The following TBC1D22B variants were observed in gnomAD, a reference collection of about 807,000 sequenced individuals.
TBC1D22B encodes chromosome 6 open reading frame 197.
In TBC1D22B, 32 loss-of-function variants were observed where a neutral mutation model predicts 69.1. The ratio of observed to expected loss-of-function variants is 0.46; its 90% CI spans 0.35 to 0.62. TBC1D22B has a LOEUF of 0.62. Ranked by LOEUF, TBC1D22B falls within the 20% of genes least tolerant of loss-of-function variation. TBC1D22B has a pLI of 0.00. For synonymous variants in TBC1D22B, 206 were observed against 229.8 expected, an observed-to-expected ratio of 0.90 and a Z score of 0.94; for missense variants, 462 against 630.9, an observed-to-expected ratio of 0.73 and a Z score of 2.87.
In TBC1D22B at chr6:37,279,314, G is replaced by T; in HGVS notation, c.124G>T (p.Glu42Ter). 1 of 1,596,072 alleles carries T rather than the reference G, an allele frequency of 6.3e-7. No homozygotes were observed. The highest frequency in any genetic ancestry group is 1.1e-5 in the South Asian group (1 of 88,416). Residue 42 changes from glutamate (E) to a stop codon, truncating the protein, a stop_gained, in exon 3 of 13, where the codon GAA (glutamate) becomes TAA (stop). Coordinates refer to ENST00000373491, the MANE Select transcript of TBC1D22B (RefSeq NM_017772.4). LOFTEE classifies it high-confidence loss of function. ...DPRLTKNFIK[E>*]RSKVNTVPLK... ...TCTCCTTTCTTGAAGTTTCATTAAAGAACGATCAAAAGTCAACACAGTTCC... is the reference window on the plus strand; with the variant it reads ...TCTCCTTTCTTGAAGTTTCATTAAATAACGATCAAAAGTCAACACAGTTCC...
At chr6:37,304,752 A>G (rs1450197006) in intron 8 of TBC1D22B, among the ~76,000 whole-genome samples, 4 of 152,200 alleles carry the variant, frequency 2.6e-5, no homozygotes, top group African/African-American at 4.8e-5. Context: ...AACTGTGCAC[A>G]TATGTGCAGT....
At chr6:37,265,228 A>G (rs1766234073) in intron 1 of TBC1D22B, among the ~76,000 whole-genome samples, 1 of 152,242 alleles carries the variant, frequency 6.6e-6, no homozygotes, top group African/African-American at 2.4e-5. Flanking sequence ...GCTTTAAAAA[A>G]TAGTCTACTG....
chr6:37,306,888 G>A (rs1767735677), intron 8 of TBC1D22B, among the ~76,000 whole-genome samples: 1 of 152,080 alleles, frequency 6.6e-6, no homozygotes, highest in South Asian at 2.1e-4. Context: ...GAAAAACATG[G>A]GCCTTGTGAA....
intron 8 of TBC1D22B, among the ~76,000 whole-genome samples, chr6:37,306,202 A>G (rs958778420): frequency 2.6e-5 from 4 of 152,352 alleles, no homozygotes; most frequent in South Asian, 2.1e-4. Flanking sequence ...TTCTGAGACT[A>G]TAAGACCTAG....
At chr6:37,330,339 A>T (rs1292328418) in intron 12 of TBC1D22B, among the ~76,000 whole-genome samples, 1 of 144,606 alleles carries the variant, frequency 6.9e-6, no homozygotes, top group East Asian at 2.0e-4. Flanking sequence ...CCCAGGTTCA[A>T]ATGATTTTCC....
chr6:37,285,220 C>T (rs942383392), intron 6 of TBC1D22B, among the ~76,000 whole-genome samples: 1 of 151,462 alleles, frequency 6.6e-6, no homozygotes, highest in African/African-American at 2.4e-5. Context: ...TGGGAAATCC[C>T]TGAGTTGAAA....
Position 37,331,116 on chromosome 6 carries a change from G to T in TBC1D22B, c.1462G>T (p.Glu488Ter), listed in dbSNP as rs1396964945. The change falls in exon 13 of 13, where the codon GAG becomes TAG. Residue 488 changes from glutamate to a stop codon, truncating the protein, a stop_gained. Coordinates refer to ENST00000373491, the MANE Select transcript of TBC1D22B (RefSeq NM_017772.4). LOFTEE classifies it high-confidence loss of function. Reference sequence around the variant, plus strand: ...CGAAGAAATTGGGCTGCTTCTCGCCGAGGCATACAGACTCAAGTACATGTT... The same window carrying T: ...CGAAGAAATTGGGCTGCTTCTCGCCTAGGCATACAGACTCAAGTACATGTT... ...GNEEIGLLLAEAYRLKYMFAD... is the reference protein window; with the variant it reads ...GNEEIGLLLA The T allele has an allele frequency of 6.2e-7, 1 of 1,613,948 alleles. No homozygotes were observed. The highest frequency in any genetic ancestry group is 8.5e-7 in the Non-Finnish European group (1 of 1,180,012).
chr6:37,282,478 C>A, intron 4 of TBC1D22B, 114 bp downstream of exon 4: 1 of 1,253,620 alleles, frequency 8.0e-7, no homozygotes, highest in Non-Finnish European at 1.1e-6. Flanking sequence ...CTTCTCCTGA[C>A]CTGGTGCCCA....
intron 10 of TBC1D22B, among the ~76,000 whole-genome samples, chr6:37,314,271 T>C (rs1425126547): frequency 6.6e-6 from 1 of 152,192 alleles, no homozygotes; most frequent in African/African-American, 2.4e-5. Flanking sequence ...TTTCTGCAGC[T>C]CTGTTCTGGC....
chr6:37,284,579 A>C (rs1473479991), intron 6 of TBC1D22B, 115 bp downstream of exon 6: 1 of 1,193,618 alleles, frequency 8.4e-7, no homozygotes, highest in African/African-American at 1.6e-5. Context: ...TATATTGGTT[A>C]GGAGTTAAAT....
chr6:37,277,305 A>G (rs902797661), intron 2 of TBC1D22B, among the ~76,000 whole-genome samples: 1 of 152,204 alleles, frequency 6.6e-6, no homozygotes, highest in African/African-American at 2.4e-5. Flanking sequence ...TTTCTTACAC[A>G]GCTGCATGTT....
intron 3 of TBC1D22B, among the ~76,000 whole-genome samples, chr6:37,281,164 T>C (rs1307684779): frequency 6.6e-6 from 1 of 152,256 alleles, no homozygotes; most frequent in Non-Finnish European, 1.5e-5. Flanking sequence ...TACAAGAGTT[T>C]TAGAGTCAGG....
chr6:37,330,956 C>A, intron 12 of TBC1D22B, 88 bp from the exon 13 acceptor site: 1 of 1,474,704 alleles, frequency 6.8e-7, no homozygotes, highest in South Asian at 1.2e-5. Flanking sequence ...GAAGGGGCCC[C>A]ATTCTAGGCC....
In TBC1D22B at chr6:37,292,186, T is replaced by C. The variant is rs557015738; in HGVS notation, c.982+829T>C. On this transcript the variant is annotated intron_variant, in intron 8 of 12. Transcript: ENST00000373491. ...AGTTGTGAGATTCTCTGTCTCCTTA[T>C]TAGAGGCAGAGCTAGAACTAAAACC... is the stretch of plus-strand genomic sequence containing the variant. Among the ~76,000 whole-genome samples the C allele has an allele frequency of 6.6e-5, 10 of 152,314 alleles. No homozygotes were observed. In the East Asian group the frequency reaches 1.7e-3, roughly 26 times the overall value.
chr6:37,274,866 C>T (rs1435979483), intron 2 of TBC1D22B, among the ~76,000 whole-genome samples: 1 of 152,132 alleles, frequency 6.6e-6, no homozygotes, highest in Non-Finnish European at 1.5e-5. Flanking sequence ...TCTTGGCCAA[C>T]ATTGGTGAAA....
At chr6:37,267,499 ACAC>A (rs1378112706) in intron 1 of TBC1D22B, among the ~76,000 whole-genome samples, 1 of 2,872 alleles carries the variant, frequency 3.5e-4, no homozygotes, top group Non-Finnish European at 8.8e-4. Context: ...TAATATATAT[ACAC>A]TATATATATA....
At chr6:37,272,350 C>T (rs1363457198) in intron 2 of TBC1D22B, among the ~76,000 whole-genome samples, 3 of 151,178 alleles carry the variant, frequency 2.0e-5, no homozygotes, top group Non-Finnish European at 4.4e-5. Context: ...CAGGCAAGAG[C>T]CACTATGTCC....
intron 12 of TBC1D22B, among the ~76,000 whole-genome samples, chr6:37,328,734 T>C (rs1768500129): frequency 6.6e-6 from 1 of 152,204 alleles, no homozygotes; most frequent in African/African-American, 2.4e-5. Context: ...TTTTTTACTT[T>C]TTAGTAAACA....
intron 8 of TBC1D22B, among the ~76,000 whole-genome samples, chr6:37,307,721 C>T (rs140692509): frequency 0.012 from 1,816 of 152,190 alleles, 31 homozygotes; most frequent in Middle Eastern, 0.044. Context: ...AACAAGGACC[C>T]GAATCAGGTA....
Sources: gnomAD v4.1 joint callset for allele counts (sites outside exome capture counted in the v4.1 genomes callset) on GRCh38, gnomAD v4.1.1 for gene constraint, MANE v1.5 for transcripts, NCBI Gene and HGNC (gene_info 2026-07-23, HGNC 2026-07-21) for gene names.